NKIRAS1: variants seen among roughly 807,000 people sequenced by gnomAD.
The protein encoded by NKIRAS1 is NF-kappa-B inhibitor-interacting Ras-like protein 1.
In NKIRAS1, 16 loss-of-function variants were observed where a neutral mutation model predicts 19.8. The observed-to-expected ratio is 0.81, with a 90% confidence interval of 0.55 to 1.23. The LOEUF is 1.23. Ranked by LOEUF, NKIRAS1 falls within the 50% of genes most tolerant of loss-of-function variation. The probability of loss-of-function intolerance (pLI) is 0.00; values close to 1 mark genes in which losing one functional copy is unlikely to be tolerated. For synonymous variants in NKIRAS1, 88 were observed against 79.0 expected, an observed-to-expected ratio of 1.11 and a Z score of -0.61; for missense variants, 184 against 220.0, an observed-to-expected ratio of 0.84 and a Z score of 1.04.
chr3:23,900,799 T>C lies in NKIRAS1; in HGVS notation c.336+9A>G, dbSNP rs753970900. 3.7e-6 allele frequency: 6 copies of C among 1,609,780 alleles called. No individual in the cohort carries two copies. In the Admixed American group the frequency reaches 6.7e-5, roughly 18 times the overall value. Reference sequence around the variant, plus strand: ...ATTCACATTTGGCATTTTTAACATATCCACTTGCCTCTTTTTTGTCTTTGA... The same window carrying C: ...ATTCACATTTGGCATTTTTAACATACCCACTTGCCTCTTTTTTGTCTTTGA... On this transcript the variant is annotated intron_variant, in intron 4 of 4. Transcript: ENST00000425478.
chr3:23,915,520 C>T (rs763020549), intron 1 of NKIRAS1, among the ~76,000 whole-genome samples: 4 of 152,190 alleles, frequency 2.6e-5, no homozygotes, highest in Non-Finnish European at 5.9e-5. Context: ...AGTCTCTCTG[C>T]TTCCATTTTT....
At chr3:23,902,507 C>T (rs569912423) in intron 3 of NKIRAS1, among the ~76,000 whole-genome samples, 6 of 152,230 alleles carry the variant, frequency 3.9e-5, no homozygotes, top group South Asian at 2.1e-4. Context: ...AAGACACAAA[C>T]GTATTGGGCT....
intron 1 of NKIRAS1, among the ~76,000 whole-genome samples, chr3:23,933,053 T>A (rs1265784027): frequency 6.6e-6 from 1 of 152,144 alleles, no homozygotes; most frequent in Admixed American, 6.5e-5. Context: ...CCTTGAGATA[T>A]GGAAGAGGGA....
chr3:23,919,271 T>A, upstream of NKIRAS1: 1 of 1,611,782 alleles, frequency 6.2e-7, no homozygotes, highest in Non-Finnish European at 8.5e-7. Context: ...CACATACAAA[T>A]TTTTTGAGGT....
At chr3:23,940,168 CAAAA>C (rs1293108063) in intron 1 of NKIRAS1, among the ~76,000 whole-genome samples, 4 of 71,778 alleles carry the variant, frequency 5.6e-5, no homozygotes, top group African/African-American at 2.0e-4. Flanking sequence ...CCATCTCTAC[CAAAA>C]AAAAAAAAAA....
chr3:23,943,258 G>C (rs1404323624), intron 1 of NKIRAS1, among the ~76,000 whole-genome samples: 1 of 152,068 alleles, frequency 6.6e-6, no homozygotes, highest in East Asian at 1.9e-4. Flanking sequence ...TTGAGACAGA[G>C]TTTTGCTCTT....
At chr3:23,917,210 C>G (rs947272978), upstream of NKIRAS1, 1 of 152,804 alleles carries the variant, frequency 6.5e-6, no homozygotes. Flanking sequence ...TTCCATCCGC[C>G]TTTGATCGTC....
At chr3:23,938,648 A>C (rs1559517219) in intron 1 of NKIRAS1, among the ~76,000 whole-genome samples, 1 of 152,176 alleles carries the variant, frequency 6.6e-6, no homozygotes, top group Non-Finnish European at 1.5e-5. Context: ...TCAAGATATG[A>C]CCTTGATGCT....
At chr3:23,946,235 C>T (rs930114720) in intron 1 of NKIRAS1, 3 of 985,318 alleles carry the variant, frequency 3.0e-6, no homozygotes, top group Non-Finnish European at 3.6e-6. Context: ...CACCGGACGC[C>T]GCACGCTCTT....
Position 23,916,878 on chromosome 3 carries a change from G to A in NKIRAS1, c.-234C>T, listed in dbSNP as rs1231374657. 1 of 152,864 alleles carries A rather than the reference G, an allele frequency of 6.5e-6. No individual in the cohort carries two copies. 9.5% of individuals were successfully genotyped at this position (152,864 alleles called of 1,614,324 possible). On this transcript the variant is annotated 5_prime_UTR_variant, in exon 1 of 5. Coordinates refer to ENST00000425478, the MANE Select transcript of NKIRAS1 (RefSeq NM_020345.4). ...ACCCCAACTTGCCTCCTCTCGCGGA[G>A]AGACAGTCGCCGACGCTCGCTTAGC...
At chr3:23,928,873 T>C (rs977537942) in intron 1 of NKIRAS1, among the ~76,000 whole-genome samples, 1 of 151,568 alleles carries the variant, frequency 6.6e-6, no homozygotes, top group African/African-American at 2.4e-5. Flanking sequence ...GCGCTGAGCC[T>C]GTAGTCCCAG....
chr3:23,904,142 G>C (rs1702788919), intron 3 of NKIRAS1, among the ~76,000 whole-genome samples: 1 of 151,916 alleles, frequency 6.6e-6, no homozygotes, highest in African/African-American at 2.4e-5. Flanking sequence ...TCCAACCCGA[G>C]TAAAAAAAGA....
chr3:23,890,706 G>A lies in NKIRAS1; in HGVS notation c.*2389C>T, dbSNP rs1701392354. 3 of 1,049,476 alleles carry A rather than the reference G, an allele frequency of 2.9e-6. No homozygotes were observed. 65.0% of individuals were successfully genotyped at this position (1,049,476 alleles called of 1,614,324 possible). A position where few individuals can be genotyped will look rare whatever the true frequency, so the allele number is the denominator to read the frequency against. On this transcript the variant is annotated 3_prime_UTR_variant, in exon 5 of 5. Transcript: ENST00000425478. ...AGGGTGGGAGTTGGTAAAGAGTAGG[G>A]TATTTCTATAACAGATATTATTCAG...
rs957220246 is a variant in NKIRAS1 at position 23,916,903 on chromosome 3, C to G, written c.-259G>C. The G allele has an allele frequency of 6.5e-6, 1 of 152,754 alleles. No homozygotes were observed. The highest frequency in any genetic ancestry group is 1.5e-5 in the Non-Finnish European group (1 of 68,100). 9.5% of individuals were successfully genotyped at this position (152,754 alleles called of 1,614,324 possible). ...GAGACAGTCGCCGACGCTCGCTTAG[C>G]CGCCGAGACCTCGCCGCCAACTCTC... is the stretch of plus-strand genomic sequence containing the variant. On this transcript the variant is annotated 5_prime_UTR_variant, in exon 1 of 5. Coordinates refer to ENST00000425478, the MANE Select transcript of NKIRAS1 (RefSeq NM_020345.4).
chr3:23,934,528 T>G (rs980837488), intron 1 of NKIRAS1, among the ~76,000 whole-genome samples: 19 of 152,214 alleles, frequency 1.2e-4, no homozygotes, highest in African/African-American at 4.3e-4. Context: ...TGTTAAAAAT[T>G]TAAGTCCCAG....
intron 3 of NKIRAS1, among the ~76,000 whole-genome samples, chr3:23,906,259 A>G (rs1337525748): frequency 6.6e-6 from 1 of 152,172 alleles, no homozygotes; most frequent in African/African-American, 2.4e-5. Context: ...GAAAGGACAC[A>G]GCCAAGAAAA....
intron 1 of NKIRAS1, among the ~76,000 whole-genome samples, chr3:23,934,402 A>C (rs1298779739): frequency 6.6e-6 from 1 of 152,232 alleles, no homozygotes. Flanking sequence ...ATGCTGTCAT[A>C]ATGATATGTC....
intron 1 of NKIRAS1, among the ~76,000 whole-genome samples, chr3:23,928,962 G>C (rs1226604755): frequency 1.4e-5 from 2 of 141,230 alleles, no homozygotes; most frequent in African/African-American, 5.3e-5. Context: ...GTGCCACTGC[G>C]CTCCAGCCTG....
At chr3:23,912,390 A>G (rs982811444) in intron 1 of NKIRAS1, among the ~76,000 whole-genome samples, 10 of 152,252 alleles carry the variant, frequency 6.6e-5, no homozygotes, top group Non-Finnish European at 1.0e-4. Flanking sequence ...GGATATGAAC[A>G]GACACTTCTC....
Sources: allele counts gnomAD v4.1 joint callset (sites outside exome capture counted in the v4.1 genomes callset), GRCh38; gene constraint gnomAD v4.1.1; transcripts MANE v1.5; gene names NCBI Gene and HGNC (gene_info 2026-07-23, HGNC 2026-07-21).